PVR: variants seen among roughly 807,000 people sequenced by gnomAD.
PVR encodes PVR cell adhesion molecule.
Under a neutral mutation model 43.3 loss-of-function variants are expected in PVR, and 39 were observed. The ratio of observed to expected loss-of-function variants is 0.90; its 90% CI spans 0.70 to 1.18. The LOEUF (loss-of-function observed/expected upper bound fraction) is 1.18, where lower values mean the gene tolerates loss of function less well. Among genes scored for constraint, PVR ranks in the 50% most tolerant of loss-of-function variants. The probability of loss-of-function intolerance (pLI) is 0.00; values close to 1 mark genes in which losing one functional copy is unlikely to be tolerated. For missense variants in PVR, 480 were observed against 549.7 expected (o/e 0.87, Z 1.27); for synonymous variants, 224 against 233.2 (o/e 0.96, Z 0.36).
Position 44,645,121 on chromosome 19 carries a change from ATAT to A in PVR, c.79+950_79+952del, listed in dbSNP as rs1973053224. On this transcript the variant is annotated intron_variant, in intron 1 of 7. Transcript: ENST00000425690. Reference sequence around the variant, plus strand: ...AATATATATTATAGTAATATATAATATATTATAATATATTATATATATTATTAT... The same window carrying A: ...AATATATATTATAGTAATATATAATATATAATATATTATATATATTATTAT... 8.9e-5 allele frequency among the ~76,000 whole-genome samples: 7 copies of A among 78,648 alleles called. No homozygotes were observed. In the South Asian group the frequency reaches 2.3e-3, roughly 26 times the overall value. The allele number at this position is 78,648 out of a possible 152,430, so 51.6% of individuals were successfully genotyped here. A position where few individuals can be genotyped will look rare whatever the true frequency, so the allele number is the denominator to read the frequency against.
intron 5 of PVR, 26 bp from the exon 6 acceptor site, chr19:44,658,716 T>G: frequency 6.4e-7 from 1 of 1,573,958 alleles, no homozygotes; most frequent in Non-Finnish European, 8.7e-7. Flanking sequence ...TTTCCTTACC[T>G]AAATACCTGT....
At chr19:44,653,812 G>A in intron 3 of PVR, 88 bp from the exon 4 acceptor site, 1 of 864,334 alleles carries the variant, frequency 1.2e-6, no homozygotes, top group South Asian at 1.4e-5. Context: ...ATATCCCCGG[G>A]CCTTTTCCTG....
In PVR at chr19:44,644,720, T is replaced by C. The variant is rs1462789601; in HGVS notation, c.79+545T>C. On this transcript the variant is annotated intron_variant, in intron 1 of 7. Coordinates refer to ENST00000425690, the MANE Select transcript of PVR (RefSeq NM_006505.5). ...TGGCCATTCATTCATTCTTTCATTC[T>C]TTTTTTTTTTTTTTTGAGACAGTCT... Among the ~76,000 whole-genome samples the C allele has an allele frequency of 2.2e-5, 3 of 133,580 alleles. No homozygotes were observed. The South Asian group carries it at 6.8e-4, about 30-fold the overall frequency. The allele number at this position is 133,580 out of a possible 152,430, so 87.6% of individuals were successfully genotyped here.
intron 1 of PVR, among the ~76,000 whole-genome samples, chr19:44,645,143 T>TAATAATATA (rs1599756075): frequency 0.038 from 1,417 of 37,342 alleles, 177 homozygotes; most frequent in South Asian, 0.11. Flanking sequence ...ATTATATATA[T>TAATAATATA]TATTATAATA....
At position 44,658,857 on chromosome 19, in the gene PVR, A is replaced by T. The variant is rs1163325901; in HGVS notation, c.1107A>T (p.Lys369Asn). The T allele has an allele frequency of 6.2e-7, 1 of 1,613,924 alleles. No homozygotes were observed. The highest frequency in any genetic ancestry group is 8.5e-7 in the Non-Finnish European group (1 of 1,180,002). ...LGIGIYFYWS[K>N]CSREVLWHCH... The stretch of plus-strand genomic sequence containing the variant: ...TCGGGATTTATTTCTATTGGTCCAA[A>T]TGTTCCCGTGAGGTCCTTTGGCACT... Residue 369 changes from lysine to asparagine, a missense_variant, in exon 6 of 8, where the codon AAA becomes AAT. Coordinates refer to ENST00000425690, the MANE Select transcript of PVR (RefSeq NM_006505.5).
chr19:44,657,644 T>G, intron 4 of PVR, 118 bp from the exon 5 acceptor site: 1 of 990,536 alleles, frequency 1.0e-6, no homozygotes, highest in Non-Finnish European at 1.5e-6. Flanking sequence ...GCCTCCAGAG[T>G]TGCTCTCCGC....
At chr19:44,654,846 T>C (rs1973396274) in intron 4 of PVR, among the ~76,000 whole-genome samples, 1 of 152,096 alleles carries the variant, frequency 6.6e-6, no homozygotes, top group South Asian at 2.1e-4. Context: ...AGCCAAAAGA[T>C]TGGACACCCC....
At chr19:44,661,553 G>GCT (rs758638030) in intron 7 of PVR, among the ~76,000 whole-genome samples, 187 bp from the exon 8 acceptor site, 376 of 152,112 alleles carry the variant, frequency 2.5e-3, no homozygotes, top group Non-Finnish European at 4.4e-3. Flanking sequence ...TTTAATATCC[G>GCT]CTCTCTCCCC....
intron 3 of PVR, among the ~76,000 whole-genome samples, chr19:44,650,561 CTTTTTTTTTT>C (rs869225120): frequency 3.7e-5 from 5 of 135,526 alleles, no homozygotes; most frequent in South Asian, 2.3e-4. Context: ...TCTTTCTTTC[CTTTTTTTTTT>C]TTTTTTTTTG....
At chr19:44,652,325 A>C (rs1268811253) in intron 3 of PVR, among the ~76,000 whole-genome samples, 1 of 151,970 alleles carries the variant, frequency 6.6e-6, no homozygotes, top group African/African-American at 2.4e-5. Flanking sequence ...CAGTCTCCTG[A>C]GTAGCTGGGA....
chr19:44,644,213 G>T (rs1298528788), intron 1 of PVR, 38 bp downstream of exon 1: 1 of 1,430,182 alleles, frequency 7.0e-7, no homozygotes, highest in African/African-American at 1.5e-5. Flanking sequence ...CCCCTGTCTG[G>T]CTCCCAGCTC....
chr19:44,645,396 ATTT>A (rs1172217214), intron 1 of PVR, among the ~76,000 whole-genome samples: 1 of 96,706 alleles, frequency 1.0e-5, no homozygotes, highest in Non-Finnish European at 1.9e-5. Context: ...ATATTTTATT[ATTT>A]ATTTATATGT....
At chr19:44,655,484 GT>G (rs34642228) in intron 4 of PVR, among the ~76,000 whole-genome samples, 71,432 of 152,062 alleles carry the variant, frequency 0.47, 20,408 homozygotes, top group African/African-American at 0.82. Context: ...AGTGCCTATA[GT>G]TCAAGTGTAC....
chr19:44,655,060 A>G (rs1011353011), intron 4 of PVR, among the ~76,000 whole-genome samples: 30 of 152,320 alleles, frequency 2.0e-4, no homozygotes, highest in African/African-American at 6.5e-4. Context: ...TATAATACAT[A>G]ATTTTACATA....
chr19:44,654,745 C>T (rs189218400), intron 4 of PVR, among the ~76,000 whole-genome samples: 69 of 151,848 alleles, frequency 4.5e-4, no homozygotes, highest in Admixed American at 1.2e-3. Flanking sequence ...TTTTTTTTTG[C>T]GAATTTTTTT....
At chr19:44,651,622 C>T (rs1203028950) in intron 3 of PVR, among the ~76,000 whole-genome samples, 1 of 152,182 alleles carries the variant, frequency 6.6e-6, no homozygotes, top group Non-Finnish European at 1.5e-5. Context: ...TCCAGTCTCA[C>T]CCCACATCAC....
rs1405520787 is a variant in PVR at position 44,644,038 on chromosome 19, G to A, written c.-59G>A. ...ACTCGCAGCGACCGCGGCAGAGCGAGCGGGCGCCGGGAAGCGAGGAGACGC... is the reference window on the plus strand; with the variant it reads ...ACTCGCAGCGACCGCGGCAGAGCGAACGGGCGCCGGGAAGCGAGGAGACGC... On this transcript the variant is annotated 5_prime_UTR_variant, in exon 1 of 8. Coordinates refer to ENST00000425690, the MANE Select transcript of PVR (RefSeq NM_006505.5). 2 of 1,422,924 alleles carry A rather than the reference G, an allele frequency of 1.4e-6. No homozygotes were observed. The highest frequency in any genetic ancestry group is 2.3e-5 in the Admixed American group (1 of 44,378). 88.1% of individuals were successfully genotyped at this position (1,422,924 alleles called of 1,614,324 possible).
chr19:44,661,828 AG>A lies in PVR; in HGVS notation c.*21del. The A allele has an allele frequency of 6.2e-7, 1 of 1,612,024 alleles. No homozygotes were observed. Among genetic ancestry groups the A allele is most frequent in the Non-Finnish European group, 8.5e-7 (1 of 1,178,680 alleles). ...ACAAGGTGACAGCGTCGGGACTGAG[AG>A]GGGAGAGAGACTGGAGCTGGCAAGG... is the stretch of plus-strand genomic sequence containing the variant. On this transcript the variant is annotated 3_prime_UTR_variant, in exon 8 of 8. Transcript: ENST00000425690.
Position 44,661,722 on chromosome 19 carries a change from T to C in PVR, c.1183-18T>C. ...TTCAAAAGAGCCCCAAGGCTAAAAT[T>C]TGAAAACCCTCTTCTAGCATGTCTC... is the stretch of plus-strand genomic sequence containing the variant. On this transcript the variant is annotated intron_variant, in intron 7 of 7. Coordinates refer to ENST00000425690, the MANE Select transcript of PVR (RefSeq NM_006505.5). The C allele has an allele frequency of 6.2e-7, 1 of 1,613,164 alleles. No homozygotes were observed.
Sources: allele counts gnomAD v4.1 joint callset (sites outside exome capture counted in the v4.1 genomes callset), GRCh38; gene constraint gnomAD v4.1.1; transcripts MANE v1.5; gene names NCBI Gene and HGNC (gene_info 2026-07-23, HGNC 2026-07-21).